DMD: variants seen among roughly 807,000 people sequenced by gnomAD.
DMD encodes mutant dystrophin.
In DMD, 63 loss-of-function variants were observed where a neutral mutation model predicts 330.1. The ratio of observed to expected loss-of-function variants is 0.19; its 90% CI spans 0.16 to 0.24. The LOEUF is 0.24. DMD is among the 10% of genes least tolerant of loss of function. DMD has a pLI of 1.00. For synonymous variants in DMD, 1,223 were observed against 959.8 expected (o/e 1.27, Z -5.07); for missense variants, 3,344 against 2,684.1 (o/e 1.25, Z -5.43).
intron 55 of DMD, among the ~76,000 whole-genome samples, chrX:31,524,476 G>A: frequency 8.9e-6 from 1 of 111,827 alleles, no homozygotes; most frequent in Non-Finnish European, 1.9e-5. Flanking sequence ...CAAAGGCGTT[G>A]TTGTGCAGTG....
At chrX:32,310,719 A>G (rs968075834) in intron 41 of DMD, among the ~76,000 whole-genome samples, 1 of 110,348 alleles carries the variant, frequency 9.1e-6, no homozygotes, top group Non-Finnish European at 1.9e-5. Flanking sequence ...ACTTTCCTGT[A>G]TCTATAGGAA....
At chrX:31,224,892 A>G (rs1013601634) in intron 63 of DMD, among the ~76,000 whole-genome samples, 1 of 112,275 alleles carries the variant, frequency 8.9e-6, no homozygotes, top group African/African-American at 3.2e-5. Context: ...GGCACAAAAC[A>G]GTACATACTG....
At chrX:31,757,612 A>G (rs774073412) in intron 51 of DMD, among the ~76,000 whole-genome samples, 1 of 111,205 alleles carries the variant, frequency 9.0e-6, no homozygotes, top group East Asian at 2.8e-4. Flanking sequence ...GTGTGTCCTT[A>G]CATGGTGGGA....
chrX:31,547,819 C>A (rs184237259), intron 55 of DMD, among the ~76,000 whole-genome samples: 74 of 111,962 alleles, frequency 6.6e-4, no homozygotes, highest in Non-Finnish European at 1.2e-3. Context: ...AAACCATACT[C>A]AAAAGTGGAA....
At chrX:31,671,524 C>G (rs2081789529) in intron 53 of DMD, among the ~76,000 whole-genome samples, 1 of 112,103 alleles carries the variant, frequency 8.9e-6, no homozygotes, top group African/African-American at 3.2e-5. Flanking sequence ...CTTGTGATAT[C>G]TTTGTCTGGT....
At chrX:32,706,294 T>G in intron 7 of DMD, among the ~76,000 whole-genome samples, 1 of 104,571 alleles carries the variant, frequency 9.6e-6, no homozygotes, top group African/African-American at 3.5e-5. Flanking sequence ...AATGACGAGT[T>G]AATGGGTGCA....
intron 44 of DMD, among the ~76,000 whole-genome samples, chrX:32,178,534 GTCC>G (rs1202628324): frequency 9.2e-6 from 1 of 108,813 alleles, no homozygotes; most frequent in Admixed American, 9.8e-5. Flanking sequence ...ATTAACTGTA[GTCC>G]TCATGATGTA....
At chrX:32,968,491 T>C (rs1365209012) in intron 2 of DMD, among the ~76,000 whole-genome samples, 7 of 111,843 alleles carry the variant, frequency 6.3e-5, no homozygotes, top group Admixed American at 1.9e-4. Context: ...TTTTTATCCT[T>C]CATTTGCTAC....
intron 2 of DMD, among the ~76,000 whole-genome samples, chrX:32,936,150 T>C (rs1290378970): frequency 9.1e-6 from 1 of 109,571 alleles, no homozygotes; most frequent in Non-Finnish European, 1.9e-5. Context: ...TTGCTCTTGT[T>C]GCCCAGGCTG....
chrX:33,000,465 G>A (rs1015500083), intron 2 of DMD, among the ~76,000 whole-genome samples: 1 of 112,001 alleles, frequency 8.9e-6, no homozygotes, highest in Non-Finnish European at 1.9e-5. Context: ...TTGCAATTAA[G>A]TTTAGCCATA....
chrX:31,844,190 C>T (rs1253866974), intron 48 of DMD, among the ~76,000 whole-genome samples: 3 of 111,361 alleles, frequency 2.7e-5, no homozygotes, highest in Non-Finnish European at 5.6e-5. Flanking sequence ...TTTAATCCAT[C>T]TTGAGTTAAT....
intron 47 of DMD, among the ~76,000 whole-genome samples, chrX:31,897,978 T>G (rs2094368105): frequency 1.8e-5 from 2 of 111,067 alleles, no homozygotes; most frequent in Middle Eastern, 4.6e-3. Flanking sequence ...TTTTGGTGTT[T>G]TAGACATGAA....
At chrX:32,648,376 T>C (rs187536893) in intron 9 of DMD, among the ~76,000 whole-genome samples, 1 of 112,093 alleles carries the variant, frequency 8.9e-6, no homozygotes, top group Non-Finnish European at 1.9e-5. Context: ...CTAGATAGAC[T>C]ATTGTTTTTC....
chrX:32,152,043 A>T (rs1255297167), intron 44 of DMD, among the ~76,000 whole-genome samples: 1 of 111,984 alleles, frequency 8.9e-6, no homozygotes, highest in Non-Finnish European at 1.9e-5. Flanking sequence ...ATGAATGTAT[A>T]TGTAAATATG....
intron 2 of DMD, among the ~76,000 whole-genome samples, chrX:32,941,601 T>C (rs2090424463): frequency 9.0e-6 from 1 of 111,020 alleles, no homozygotes; most frequent in South Asian, 3.9e-4. Flanking sequence ...GAGCTATATA[T>C]TGGGTACTCA....
chrX:32,841,634 A>G (rs1281003277), intron 4 of DMD, among the ~76,000 whole-genome samples: 3 of 112,052 alleles, frequency 2.7e-5, no homozygotes, highest in African/African-American at 9.7e-5. Context: ...TGTTAATTAG[A>G]CTTCAAATAA....
At chrX:32,843,997 G>A (rs372420038) in intron 4 of DMD, among the ~76,000 whole-genome samples, 3 of 112,592 alleles carry the variant, frequency 2.7e-5, no homozygotes, top group East Asian at 5.6e-4. Flanking sequence ...CTTGGAGACA[G>A]CGTTTAATAA....
chrX:31,425,015 T>C (rs2063621298), intron 60 of DMD, among the ~76,000 whole-genome samples: 1 of 112,206 alleles, frequency 8.9e-6, no homozygotes, highest in African/African-American at 3.2e-5. Flanking sequence ...CCACTATATA[T>C]AGTTTTCTCT....
intron 7 of DMD, among the ~76,000 whole-genome samples, chrX:32,797,805 T>C (rs972669306): frequency 2.7e-5 from 3 of 110,196 alleles, no homozygotes; most frequent in Non-Finnish European, 5.7e-5. Flanking sequence ...ATTTCACCTG[T>C]AATTAAAAAA....
Sources: gnomAD v4.1 joint callset for allele counts (sites outside exome capture counted in the v4.1 genomes callset) on GRCh38, gnomAD v4.1.1 for gene constraint, MANE v1.5 for transcripts, NCBI Gene and HGNC (gene_info 2026-07-23, HGNC 2026-07-21) for gene names.